The following COMMD10 variants were observed in gnomAD, a reference collection of about 807,000 sequenced individuals.
COMMD10 encodes COMM domain-containing protein 10.
COMMD10 carries 33 observed loss-of-function variants against 28.9 expected under a neutral mutation model. That is an observed-to-expected ratio of 1.14 (90% CI 0.87 to 1.53). The LOEUF (loss-of-function observed/expected upper bound fraction) is 1.53, where lower values mean the gene tolerates loss of function less well. Ranked by LOEUF, COMMD10 falls within the 40% of genes most tolerant of loss-of-function variation. The pLI is 0.00. For missense variants in COMMD10, 310 were observed against 233.4 expected, an observed-to-expected ratio of 1.33 and a Z score of -2.14; for synonymous variants, 110 against 81.7, an observed-to-expected ratio of 1.35 and a Z score of -1.87.
chr5:116,103,065 T>G (rs1300343239), intron 4 of COMMD10, among the ~76,000 whole-genome samples: 1 of 152,108 alleles, frequency 6.6e-6, no homozygotes, highest in Non-Finnish European at 1.5e-5. Flanking sequence ...AATCCAGTCT[T>G]TCATTGATGG....
chr5:116,184,656 A>T (rs1748081597), intron 5 of COMMD10, among the ~76,000 whole-genome samples: 1 of 152,186 alleles, frequency 6.6e-6, no homozygotes, highest in Admixed American at 6.6e-5. Context: ...AAAAGAAAAC[A>T]GATTCAGCAG....
chr5:116,197,688 T>A (rs1271397480), intron 5 of COMMD10, among the ~76,000 whole-genome samples: 3 of 152,120 alleles, frequency 2.0e-5, no homozygotes, highest in African/African-American at 2.4e-5. Context: ...GGCCCCAGAT[T>A]TTTATTGTCT....
At chr5:116,217,691 T>G (rs971403525) in intron 5 of COMMD10, among the ~76,000 whole-genome samples, 4 of 152,152 alleles carry the variant, frequency 2.6e-5, no homozygotes, top group Non-Finnish European at 5.9e-5. Flanking sequence ...AGAAGAGAGA[T>G]AAAAATGATT....
intron 5 of COMMD10, among the ~76,000 whole-genome samples, chr5:116,267,643 C>A (rs1465085889): frequency 2.0e-5 from 3 of 151,914 alleles, no homozygotes; most frequent in African/African-American, 4.9e-5. Context: ...ATTGCCAAGA[C>A]AATCATAAGC....
chr5:116,291,310 A>T (rs1459476826), intron 5 of COMMD10, among the ~76,000 whole-genome samples: 1 of 152,178 alleles, frequency 6.6e-6, no homozygotes, highest in East Asian at 1.9e-4. Flanking sequence ...TAAAGGACAG[A>T]TGTCTGTAGA....
intron 5 of COMMD10, among the ~76,000 whole-genome samples, chr5:116,250,618 A>T (rs1750085147): frequency 6.6e-6 from 1 of 151,886 alleles, no homozygotes; most frequent in African/African-American, 2.4e-5. Context: ...GAGACTTACT[A>T]GCACTTGGTA....
intron 4 of COMMD10, among the ~76,000 whole-genome samples, chr5:116,112,672 G>T (rs1450022205): frequency 1.3e-5 from 2 of 152,174 alleles, no homozygotes; most frequent in Non-Finnish European, 2.9e-5. Flanking sequence ...GGGATTACAG[G>T]CATGAGCCAC....
At chr5:116,164,833 G>T (rs564078404) in intron 5 of COMMD10, among the ~76,000 whole-genome samples, 2 of 152,250 alleles carry the variant, frequency 1.3e-5, no homozygotes, top group South Asian at 4.1e-4. Flanking sequence ...GATATTTTAT[G>T]TACTGCCACT....
At chr5:116,183,047 G>A (rs144517975) in intron 5 of COMMD10, among the ~76,000 whole-genome samples, 2 of 152,102 alleles carry the variant, frequency 1.3e-5, no homozygotes, top group Non-Finnish European at 2.9e-5. Flanking sequence ...AGAAATGTGA[G>A]TCAGTGAAAC....
At chr5:116,193,080 A>C (rs1748412359) in intron 5 of COMMD10, among the ~76,000 whole-genome samples, 1 of 152,222 alleles carries the variant, frequency 6.6e-6, no homozygotes, top group Non-Finnish European at 1.5e-5. Flanking sequence ...TATATAAAGG[A>C]AAGATAGTCT....
At chr5:116,255,620 A>T (rs571442799) in intron 5 of COMMD10, 29 of 151,654 alleles carry the variant, frequency 1.9e-4, no homozygotes, top group African/African-American at 6.6e-4. Flanking sequence ...GATGGGATAT[A>T]ATTTAGGAAC....
chr5:116,247,094 A>G (rs1030630590), intron 5 of COMMD10, among the ~76,000 whole-genome samples: 3 of 152,066 alleles, frequency 2.0e-5, no homozygotes, highest in Non-Finnish European at 2.9e-5. Context: ...TCTAATATCT[A>G]GTATCTATAC....
chr5:116,272,431 C>G (rs1750785107), intron 5 of COMMD10, among the ~76,000 whole-genome samples: 1 of 151,752 alleles, frequency 6.6e-6, no homozygotes, highest in Non-Finnish European at 1.5e-5. Context: ...GTTTTTCTGC[C>G]AAAGTTTTGG....
chr5:116,151,062 G>T (rs1057231935), intron 5 of COMMD10, among the ~76,000 whole-genome samples: 1 of 151,142 alleles, frequency 6.6e-6, no homozygotes, highest in Non-Finnish European at 1.5e-5. Flanking sequence ...AGAGTTTTTG[G>T]CATGAAGCGT....
At chr5:116,101,595 T>C (rs1386336244) in intron 4 of COMMD10, among the ~76,000 whole-genome samples, 1 of 151,882 alleles carries the variant, frequency 6.6e-6, no homozygotes, top group Non-Finnish European at 1.5e-5. Context: ...CCCGGCTAAT[T>C]TTTGTATTTT....
chr5:116,126,957 G>A (rs1260055644), intron 4 of COMMD10, among the ~76,000 whole-genome samples: 1 of 152,092 alleles, frequency 6.6e-6, no homozygotes, highest in Non-Finnish European at 1.5e-5. Context: ...CTTCTGCACA[G>A]CAAAAGAAAC....
At chr5:116,114,331 G>A (rs74341494) in intron 4 of COMMD10, among the ~76,000 whole-genome samples, 4,598 of 152,198 alleles carry the variant, frequency 0.03, 75 homozygotes, top group Non-Finnish European at 0.033. Context: ...CTCTTGGGTA[G>A]CTGGGTGGCC....
chr5:116,110,442 G>C (rs1456434121), intron 4 of COMMD10, among the ~76,000 whole-genome samples: 2 of 152,076 alleles, frequency 1.3e-5, no homozygotes, highest in Non-Finnish European at 2.9e-5. Context: ...TACAAGAATT[G>C]GTATTAGTTC....
chr5:116,095,781 C>T (rs1284289363), intron 4 of COMMD10, among the ~76,000 whole-genome samples: 2 of 151,872 alleles, frequency 1.3e-5, no homozygotes, highest in African/African-American at 4.8e-5. Context: ...AATCCATTTA[C>T]TGTTAATTTT....
Sources: allele counts gnomAD v4.1 joint callset (sites outside exome capture counted in the v4.1 genomes callset), GRCh38; gene constraint gnomAD v4.1.1; transcripts MANE v1.5; gene names NCBI Gene and HGNC (gene_info 2026-07-23, HGNC 2026-07-21).